Variants in LHFPL3 observed in about 807,000 individuals in gnomAD.
LHFPL3 encodes the protein LHFPL tetraspan subfamily member 3 protein.
Under a neutral mutation model 19.3 loss-of-function variants are expected in LHFPL3, and 5 were observed. The observed-to-expected ratio is 0.26, with a 90% CI of 0.14 to 0.54. The LOEUF is 0.54. LHFPL3 is among the 20% of genes least tolerant of loss of function. The pLI, the probability that LHFPL3 is intolerant of heterozygous loss-of-function variation, is 0.94. For missense variants in LHFPL3, 249 were observed against 307.4 expected (o/e 0.81, Z 1.42); for synonymous variants, 133 against 126.2 (o/e 1.05, Z -0.36).
chr7:104,835,401 T>C (rs1791071181), intron 2 of LHFPL3, among the ~76,000 whole-genome samples: 1 of 151,906 alleles, frequency 6.6e-6, no homozygotes, highest in Non-Finnish European at 1.5e-5. Context: ...AGATTCTCTG[T>C]AGGCACAACA....
rs547740751 is a variant in LHFPL3, at chr7:104,497,879, C to G, written c.445+168655C>G. ...TCACAGAGCCCTGACACCTGAGTCACAAGGTCCTAACCTTTTGTAGACTGA... is the reference window on the plus strand; with the variant it reads ...TCACAGAGCCCTGACACCTGAGTCAGAAGGTCCTAACCTTTTGTAGACTGA... On this transcript the variant is annotated intron_variant, in intron 1 of 2. Coordinates refer to ENST00000424859, the MANE Select transcript of LHFPL3 (RefSeq NM_199000.3). Among the ~76,000 whole-genome samples the G allele has an allele frequency of 2.6e-5, 4 of 152,248 alleles. No homozygotes were observed. In the East Asian group the frequency reaches 7.7e-4, roughly 29 times the overall value.
chr7:104,358,047 C>T (rs551537160), intron 1 of LHFPL3, among the ~76,000 whole-genome samples: 38 of 152,112 alleles, frequency 2.5e-4, no homozygotes, highest in Non-Finnish European at 4.4e-4. Flanking sequence ...ACAGCAATGG[C>T]GGAAGGGAAT....
chr7:104,808,562 C>T (rs1160795663), intron 2 of LHFPL3, among the ~76,000 whole-genome samples: 1 of 152,152 alleles, frequency 6.6e-6, no homozygotes, highest in African/African-American at 2.4e-5. Context: ...TGGAAACTCT[C>T]TAAAACTGGA....
chr7:104,837,192 C>T (rs1791114209), intron 2 of LHFPL3, among the ~76,000 whole-genome samples: 1 of 152,200 alleles, frequency 6.6e-6, no homozygotes, highest in Non-Finnish European at 1.5e-5. Context: ...CATCCTGGAT[C>T]ACTCTCAGCT....
intron 1 of LHFPL3, among the ~76,000 whole-genome samples, chr7:104,591,266 C>T (rs898602328): frequency 1.3e-5 from 2 of 152,154 alleles, no homozygotes; most frequent in Non-Finnish European, 2.9e-5. Flanking sequence ...TGTTCCTTTC[C>T]ATGTTTAGTG....
intron 1 of LHFPL3, among the ~76,000 whole-genome samples, chr7:104,735,594 G>A (rs745594259): frequency 1.3e-5 from 2 of 152,208 alleles, no homozygotes; most frequent in African/African-American, 2.4e-5. Context: ...AGAGTGACCC[G>A]ATTTTCCAGG....
intron 1 of LHFPL3, among the ~76,000 whole-genome samples, chr7:104,334,241 G>T (rs531739237): frequency 1.3e-5 from 2 of 152,234 alleles, no homozygotes; most frequent in Admixed American, 1.3e-4. Flanking sequence ...AAAGGAAAAA[G>T]GACTTTAAAT....
intron 1 of LHFPL3, among the ~76,000 whole-genome samples, chr7:104,511,306 C>T (rs1361629568): frequency 2.0e-5 from 3 of 152,224 alleles, no homozygotes. Context: ...AAAATAGTGG[C>T]ACAACAAATT....
chr7:104,683,838 AATTTGAC>A (rs1792757524), intron 1 of LHFPL3, among the ~76,000 whole-genome samples: 1 of 152,214 alleles, frequency 6.6e-6, no homozygotes, highest in African/African-American at 2.4e-5. Context: ...ATTTGCTAAG[AATTTGAC>A]ATTTCTTTCC....
chr7:104,534,119 C>T (rs547526090), intron 1 of LHFPL3, among the ~76,000 whole-genome samples: 91 of 152,288 alleles, frequency 6.0e-4, no homozygotes, highest in African/African-American at 2.0e-3. Flanking sequence ...AGCTTCCTAA[C>T]GGTCTCCAGT....
chr7:104,535,177 C>G (rs536379439), intron 1 of LHFPL3, among the ~76,000 whole-genome samples: 2 of 152,238 alleles, frequency 1.3e-5, no homozygotes, highest in African/African-American at 4.8e-5. Flanking sequence ...ATTCATTATC[C>G]CTCAGTAAGA....
intron 2 of LHFPL3, among the ~76,000 whole-genome samples, chr7:104,749,867 G>T (rs939781168): frequency 6.6e-6 from 1 of 152,158 alleles, no homozygotes; most frequent in Non-Finnish European, 1.5e-5. Flanking sequence ...TACAGTGGCC[G>T]CCCCTAAAAA....
At chr7:104,555,891 T>C (rs1794754671) in intron 1 of LHFPL3, among the ~76,000 whole-genome samples, 1 of 152,134 alleles carries the variant, frequency 6.6e-6, no homozygotes, top group Non-Finnish European at 1.5e-5. Context: ...CCATTCCAAA[T>C]GGGAGAAATT....
At position 104,508,798 on chromosome 7, in the gene LHFPL3, G is replaced by C. The variant is rs578105865; in HGVS notation, c.445+179574G>C. ...GCATAACTCAATGAAATTTAAAACAGAAGAAAAAAAGAGAAAACCAAAGAG... is the reference window on the plus strand; with the variant it reads ...GCATAACTCAATGAAATTTAAAACACAAGAAAAAAAGAGAAAACCAAAGAG... On this transcript the variant is annotated intron_variant, in intron 1 of 2. Coordinates refer to ENST00000424859, the MANE Select transcript of LHFPL3 (RefSeq NM_199000.3). Among the ~76,000 whole-genome samples, 12 of 145,082 alleles carry C rather than the reference G, an allele frequency of 8.3e-5. No homozygotes were observed. The South Asian group carries it at 2.1e-3, about 26-fold the overall frequency.
intron 2 of LHFPL3, among the ~76,000 whole-genome samples, chr7:104,779,912 G>A (rs1794692461): frequency 6.6e-6 from 1 of 151,992 alleles, no homozygotes; most frequent in African/African-American, 2.4e-5. Flanking sequence ...TAAATTAGTG[G>A]GGTTTTTTTT....
intron 2 of LHFPL3, among the ~76,000 whole-genome samples, chr7:104,784,600 G>A (rs908232429): frequency 2.0e-5 from 3 of 152,082 alleles, no homozygotes; most frequent in Non-Finnish European, 4.4e-5. Context: ...CCCACTTGTG[G>A]ATACATATCC....
intron 2 of LHFPL3, among the ~76,000 whole-genome samples, chr7:104,813,141 G>A (rs746034970): frequency 5.3e-5 from 8 of 152,008 alleles, no homozygotes; most frequent in Non-Finnish European, 1.2e-4. Context: ...AGATGGGTGT[G>A]AGAGTGCACA....
chr7:104,660,004 GTT>G (rs35499793), intron 1 of LHFPL3, among the ~76,000 whole-genome samples: 12,977 of 140,424 alleles, frequency 0.092, 700 homozygotes, highest in Non-Finnish European at 0.12. Context: ...ACAGCAACTC[GTT>G]TTTTTTTTTT....
At chr7:104,346,335 G>C (rs1358072539) in intron 1 of LHFPL3, among the ~76,000 whole-genome samples, 1 of 144,864 alleles carries the variant, frequency 6.9e-6, no homozygotes, top group Non-Finnish European at 1.5e-5. Context: ...TAGTTATCAG[G>C]GTTTTTTTTT....
Sources: allele counts gnomAD v4.1 joint callset (sites outside exome capture counted in the v4.1 genomes callset), GRCh38; gene constraint gnomAD v4.1.1; transcripts MANE v1.5; gene names NCBI Gene and HGNC (gene_info 2026-07-23, HGNC 2026-07-21).